EHBP1: variants seen among roughly 807,000 people sequenced by gnomAD.
EHBP1 encodes EH domain binding protein 1, also known as EH domain-binding protein 1.
A neutral mutation model predicts 144.0 loss-of-function variants in EHBP1; 55 were observed. That is an observed-to-expected ratio of 0.38 (90% CI 0.31 to 0.48). The LOEUF is 0.48. EHBP1 is among the 20% of genes least tolerant of loss of function. EHBP1 has a pLI of 0.98. For synonymous variants in EHBP1, 469 were observed against 472.7 expected, an observed-to-expected ratio of 0.99 and a Z score of 0.10; for missense variants, 1,200 against 1,364.2, an observed-to-expected ratio of 0.88 and a Z score of 1.90.
intron 5 of EHBP1, among the ~76,000 whole-genome samples, chr2:62,810,931 GT>G (rs1238647261): frequency 2.0e-5 from 3 of 152,126 alleles, no homozygotes; most frequent in Admixed American, 1.3e-4. Flanking sequence ...GGAGGTTAGG[GT>G]TGCTTTAATA....
chr2:62,822,089 GT>G (rs892129663), intron 5 of EHBP1, among the ~76,000 whole-genome samples: 2 of 151,160 alleles, frequency 1.3e-5, no homozygotes, highest in African/African-American at 4.9e-5. Context: ...CTAACCAAAA[GT>G]TTTTTTTTAA....
rs2061490362 is a variant in EHBP1 at position 63,037,544 on chromosome 2, CAGA to C, written c.3125_3127del (p.Glu1042del). 5.6e-6 allele frequency: 9 copies of C among 1,603,952 alleles called. No individual in the cohort carries two copies. Among genetic ancestry groups the C allele is most frequent in the South Asian group, 1.1e-5 (1 of 89,046 alleles). Reference sequence around the variant, plus strand: ...TCTTCCCGAATTATAGGAAGGAACACAGAAGAAGAAGAAGCTATGATGCAGGAA... The same window carrying C: ...TCTTCCCGAATTATAGGAAGGAACACAGAAGAAGAAGCTATGATGCAGGAA... On this transcript the variant is annotated inframe_deletion, in exon 20 of 23. Transcript: ENST00000431489.
chr2:62,957,987 C>T (rs1264465719), intron 14 of EHBP1, among the ~76,000 whole-genome samples: 4 of 152,062 alleles, frequency 2.6e-5, no homozygotes, highest in Admixed American at 6.5e-5. Context: ...TCTTTAGTCT[C>T]ATTAGTTATC....
intron 4 of EHBP1, among the ~76,000 whole-genome samples, chr2:62,768,844 G>A (rs1301887776): frequency 6.6e-6 from 1 of 152,180 alleles, no homozygotes; most frequent in Non-Finnish European, 1.5e-5. Context: ...TCCTCGGAAT[G>A]CAAAGTTGAT....
intron 10 of EHBP1, among the ~76,000 whole-genome samples, chr2:62,918,843 A>G (rs550612737): frequency 6.6e-6 from 1 of 152,320 alleles, no homozygotes; most frequent in South Asian, 2.1e-4. Context: ...TGAGAAAATA[A>G]CGGGGTAGCA....
chr2:62,696,142 TTC>T (rs560824913), intron 1 of EHBP1, among the ~76,000 whole-genome samples: 2,631 of 132,060 alleles, frequency 0.02, 64 homozygotes, highest in African/African-American at 0.064. Context: ...CTCCCTTCCT[TTC>T]TCTCTCTCTC....
chr2:62,704,634 C>T (rs1007722979), upstream of EHBP1, among the ~76,000 whole-genome samples: 1 of 152,074 alleles, frequency 6.6e-6, no homozygotes, highest in African/African-American at 2.4e-5. Context: ...CTGATTATTC[C>T]TTCTCGGTCT....
At chr2:62,970,975 A>G (rs1412297858) in intron 14 of EHBP1, among the ~76,000 whole-genome samples, 1 of 152,230 alleles carries the variant, frequency 6.6e-6, no homozygotes, top group East Asian at 1.9e-4. Flanking sequence ...AAATATAAAA[A>G]TTGCATACCA....
chr2:63,019,872 G>GAAGGAAGGA (rs2060646837), intron 19 of EHBP1, among the ~76,000 whole-genome samples: 1 of 145,600 alleles, frequency 6.9e-6, no homozygotes, highest in Non-Finnish European at 1.5e-5. Flanking sequence ...AGGAAGGAAG[G>GAAGGAAGGA]AAGGAAGGAA....
intron 3 of EHBP1, among the ~76,000 whole-genome samples, chr2:62,749,840 T>C (rs1184215232): frequency 1.3e-5 from 2 of 152,220 alleles, no homozygotes; most frequent in Non-Finnish European, 2.9e-5. Context: ...GTTTGTTTTA[T>C]TCTTGTAAAT....
intron 19 of EHBP1, among the ~76,000 whole-genome samples, chr2:63,009,179 T>C (rs903610575): frequency 6.6e-6 from 1 of 151,704 alleles, no homozygotes; most frequent in African/African-American, 2.4e-5. Context: ...GCTAGCACCC[T>C]AAAATGCATG....
intron 1 of EHBP1, among the ~76,000 whole-genome samples, chr2:62,696,508 C>CTTTTTTTTTTTTTTTTTTTT (rs869081763): frequency 3.0e-4 from 23 of 76,732 alleles, no homozygotes; most frequent in East Asian, 1.2e-3. Flanking sequence ...TTTTTTTCTT[C>CTTTTTTTTTTTTTTTTTTTT]TTTTTTTTTT....
chr2:62,679,593 A>G (rs1054251222), intron 1 of EHBP1, among the ~76,000 whole-genome samples: 1 of 152,214 alleles, frequency 6.6e-6, no homozygotes, highest in African/African-American at 2.4e-5. Context: ...TACCCGAAGC[A>G]AGGATCTTAG....
chr2:63,039,235 G>A (rs1421368074), intron 21 of EHBP1, among the ~76,000 whole-genome samples: 2 of 152,068 alleles, frequency 1.3e-5, no homozygotes, highest in Non-Finnish European at 2.9e-5. Context: ...ATATGTTCCT[G>A]TTCAGTCTAC....
intron 8 of EHBP1, among the ~76,000 whole-genome samples, chr2:62,863,769 A>G (rs986842292): frequency 6.0e-5 from 9 of 149,028 alleles, no homozygotes; most frequent in African/African-American, 2.0e-4. Flanking sequence ...ATCAAAGAAC[A>G]TTTCAAAAGT....
chr2:62,730,576 T>C (rs1253024028), intron 2 of EHBP1, among the ~76,000 whole-genome samples: 1 of 152,128 alleles, frequency 6.6e-6, no homozygotes, highest in Non-Finnish European at 1.5e-5. Flanking sequence ...GCTTCTAAGT[T>C]TTGACAATTA....
intron 10 of EHBP1, among the ~76,000 whole-genome samples, chr2:62,924,366 A>G (rs114723791): frequency 0.016 from 2,452 of 152,340 alleles, 75 homozygotes; most frequent in African/African-American, 0.056. Context: ...AATAATAAAG[A>G]TCAGAGCAGA....
intron 10 of EHBP1, among the ~76,000 whole-genome samples, chr2:62,942,333 T>G (rs969044891): frequency 6.6e-6 from 1 of 152,206 alleles, no homozygotes; most frequent in Non-Finnish European, 1.5e-5. Context: ...TACATTATTT[T>G]TAACCTAGTC....
chr2:62,986,463 G>T (rs1343553661), intron 15 of EHBP1, among the ~76,000 whole-genome samples: 25 of 134,882 alleles, frequency 1.9e-4, no homozygotes, highest in African/African-American at 6.1e-4. Flanking sequence ...TTTTTTTTGA[G>T]ACTGAGTTTT....
Sources: allele counts gnomAD v4.1 joint callset (sites outside exome capture counted in the v4.1 genomes callset), GRCh38; gene constraint gnomAD v4.1.1; transcripts MANE v1.5; gene names NCBI Gene and HGNC (gene_info 2026-07-23, HGNC 2026-07-21).